ARHGEF18: variants seen among roughly 807,000 people sequenced by gnomAD.
The protein encoded by ARHGEF18 is Rho/Rac guanine nucleotide exchange factor 18, also known as rho guanine nucleotide exchange factor 18.
A neutral mutation model predicts 155.7 loss-of-function variants in ARHGEF18; 93 were observed. That is an observed-to-expected ratio of 0.60 (90% CI 0.50 to 0.71). The LOEUF is 0.71. Ranked by LOEUF, ARHGEF18 falls within the 30% of genes least tolerant of loss-of-function variation. The pLI, the probability that ARHGEF18 is intolerant of heterozygous loss-of-function variation, is 0.00. For missense variants in ARHGEF18, 1,593 were observed against 1,816.1 expected (o/e 0.88, Z 2.23); for synonymous variants, 742 against 753.1 (o/e 0.99, Z 0.24).
At chr19:7,360,124 T>C (rs1177562023) in intron 1 of ARHGEF18, among the ~76,000 whole-genome samples, 2 of 152,086 alleles carry the variant, frequency 1.3e-5, no homozygotes, top group East Asian at 3.9e-4. Flanking sequence ...CACTCCAGCC[T>C]GGGTGACAGA....
intron 18 of ARHGEF18, 123 bp downstream of exon 18, chr19:7,456,526 G>A (rs1975840466): frequency 2.3e-6 from 2 of 864,344 alleles, no homozygotes. Flanking sequence ...AGTCCAGCCT[G>A]GCCAACATGG....
intron 10 of ARHGEF18, among the ~76,000 whole-genome samples, chr19:7,412,319 C>G (rs1277271772): frequency 9.5e-6 from 1 of 105,096 alleles, no homozygotes; most frequent in Non-Finnish European, 2.2e-5. Flanking sequence ...CCGGCCTATG[C>G]TAGGGTTTTT....
intron 15 of ARHGEF18, among the ~76,000 whole-genome samples, chr19:7,448,540 A>G (rs1600480507): frequency 6.6e-6 from 1 of 152,068 alleles, no homozygotes; most frequent in African/African-American, 2.4e-5. Flanking sequence ...GGGCGCCTGT[A>G]GTCCCAGCTA....
chr19:7,449,788 C>T (rs1043043635), intron 15 of ARHGEF18, among the ~76,000 whole-genome samples: 9 of 152,128 alleles, frequency 5.9e-5, no homozygotes, highest in African/African-American at 1.9e-4. Flanking sequence ...GCAAAACCTC[C>T]TGTCTCTGCT....
At chr19:7,479,063 C>A in the ARHGEF18 span, among the ~76,000 whole-genome samples, 4 of 152,230 alleles carry the variant, frequency 2.6e-5, no homozygotes, top group African/African-American at 9.7e-5. Flanking sequence ...AGGGCCTGGT[C>A]ACAACTCCTC....
rs2145926220 is a variant in ARHGEF18, at chr19:7,470,509, T to G, written c.*211T>G. 4.7e-6 allele frequency: 2 copies of G among 424,414 alleles called. No individual in the cohort carries two copies. The highest frequency in any genetic ancestry group is 7.1e-5 in the East Asian group (2 of 28,088). The allele number at this position is 424,414 out of a possible 1,614,324, so 26.3% of individuals were successfully genotyped here. A position where few individuals can be genotyped will look rare whatever the true frequency, so the allele number is the denominator to read the frequency against. On this transcript the variant is annotated 3_prime_UTR_variant, in exon 29 of 29. Coordinates refer to ENST00000668164, the MANE Select transcript of ARHGEF18 (RefSeq NM_001367823.1). The surrounding 1 kb of genome is among the most constrained non-coding windows in gnomAD (Gnocchi z 5.9). ...TAGCGGTGGTGCCGGGGTCACTTTCTGAATCTCTTTTTTTTTTTTTCAAAA... is the reference window on the plus strand; with the variant it reads ...TAGCGGTGGTGCCGGGGTCACTTTCGGAATCTCTTTTTTTTTTTTTCAAAA...
At position 7,467,605 on chromosome 19, in the gene ARHGEF18, G is replaced by A. The variant is rs1252268167; in HGVS notation, c.3401G>A (p.Arg1134Gln). 8.6e-6 allele frequency: 13 copies of A among 1,509,678 alleles called. No individual in the cohort carries two copies. Among genetic ancestry groups the A allele is most frequent in the African/African-American group, 4.3e-5 (3 of 70,326 alleles). The allele number at this position is 1,509,678 out of a possible 1,614,324, so 93.5% of individuals were successfully genotyped here. A position where few individuals can be genotyped will look rare whatever the true frequency, so the allele number is the denominator to read the frequency against. The change falls in exon 26 of 29, where the codon CGG (arginine) becomes CAG (glutamine). Residue 1134 changes from arginine (R) to glutamine (Q), a missense_variant. Arg to Gln is a conservative substitution (Grantham distance 43). Coordinates refer to ENST00000668164, the MANE Select transcript of ARHGEF18 (RefSeq NM_001367823.1). Reference protein sequence around the residue: ...REAQRAVERERERLELLRRLK... With the variant: ...REAQRAVEREQERLELLRRLK... ...GCCCAGCGTGCCGTGGAGCGCGAGC[G>A]GGAGCGCCTGGAGCTGCTGCGCCGC...
chr19:7,440,623 A>G lies in ARHGEF18; in HGVS notation c.1106+141A>G. The G allele has an allele frequency of 4.2e-6, 5 of 1,180,658 alleles. No individual in the cohort carries two copies. Among genetic ancestry groups the G allele is most frequent in the South Asian group, 1.6e-5 (1 of 62,448 alleles). The allele number at this position is 1,180,658 out of a possible 1,614,324, so 73.1% of individuals were successfully genotyped here. On this transcript the variant is annotated intron_variant, in intron 11 of 28. Coordinates refer to ENST00000668164, the MANE Select transcript of ARHGEF18 (RefSeq NM_001367823.1). This position sits in a 1 kb window ranked among gnomAD's most constrained non-coding sequence, Gnocchi z 5.4. ...CCCCGTGCTAAGCAGAGAAATTCCC[A>G]TTAACGCTTGCTTCCAGGATCCACG...
intron 23 of ARHGEF18, among the ~76,000 whole-genome samples, chr19:7,465,408 CTTT>C (rs397859513): frequency 3.0e-5 from 4 of 133,944 alleles, no homozygotes; most frequent in Non-Finnish European, 1.6e-5. Context: ...GGGAGGATCA[CTTT>C]TTTTTTTTTT....
In ARHGEF18 at chr19:7,352,177, TC is replaced by T. The variant is rs1306439836; in HGVS notation, c.-111+2938del. Among the ~76,000 whole-genome samples, 64 of 152,092 alleles carry T rather than the reference TC, an allele frequency of 4.2e-4. 1 individual carries two copies. On this transcript the variant is annotated intron_variant, in intron 1 of 28. Coordinates refer to ENST00000668164, the MANE Select transcript of ARHGEF18 (RefSeq NM_001367823.1). Reference sequence around the variant, plus strand: ...GTGTCTCTTTATGGTGTCATTTTCCTCCATAGAGCGTTTATTTTTGCTTTGG... The same window carrying T: ...GTGTCTCTTTATGGTGTCATTTTCCTCATAGAGCGTTTATTTTTGCTTTGG...
Position 7,369,567 on chromosome 19 carries a change from G to A in ARHGEF18, c.16-3245G>A, listed in dbSNP as rs550538983. ...TAATCCCAGCCCTTTGGGAGGCTGA[G>A]GCAGGTGAATCATGAGGTCAGGAGT... On this transcript the variant is annotated intron_variant, in intron 2 of 28. Coordinates refer to ENST00000668164, the MANE Select transcript of ARHGEF18 (RefSeq NM_001367823.1). Among the ~76,000 whole-genome samples the A allele has an allele frequency of 1.8e-4, 27 of 152,072 alleles. No homozygotes were observed. The East Asian group carries it at 5.1e-3, about 29-fold the overall frequency.
In ARHGEF18 at chr19:7,372,477, A is replaced by G. The variant is rs202190272; in HGVS notation, c.16-335A>G. Among the ~76,000 whole-genome samples the G allele has an allele frequency of 9.2e-5, 5 of 54,486 alleles. No homozygotes were observed. The African/African-American group carries it at 9.8e-4, about 11-fold the overall frequency. 35.7% of individuals were successfully genotyped at this position (54,486 alleles called of 152,430 possible). A position where few individuals can be genotyped will look rare whatever the true frequency, so the allele number is the denominator to read the frequency against. ...CAGGAGCAGAAACTGTACCAAAAAGAAAAAAAAAAAGAGAGAGAGATAATC... is the reference window on the plus strand; with the variant it reads ...CAGGAGCAGAAACTGTACCAAAAAGGAAAAAAAAAAGAGAGAGAGATAATC... On this transcript the variant is annotated intron_variant, in intron 2 of 28. Coordinates refer to ENST00000668164, the MANE Select transcript of ARHGEF18 (RefSeq NM_001367823.1).
chr19:7,398,340 A>AGATTACATG (rs1359557138), intron 10 of ARHGEF18, among the ~76,000 whole-genome samples: 8 of 151,790 alleles, frequency 5.3e-5, no homozygotes, highest in African/African-American at 1.9e-4. Context: ...AAGAGAGCTG[A>AGATTACATG]GATTACATGC....
chr19:7,407,548 C>T lies in ARHGEF18; in HGVS notation c.967+24345C>T, dbSNP rs563109976. On this transcript the variant is annotated intron_variant, in intron 10 of 28. Coordinates refer to ENST00000668164, the MANE Select transcript of ARHGEF18 (RefSeq NM_001367823.1). Reference sequence around the variant, plus strand: ...TTTGCACAGCGAATCCACTTTGCCACTCCTTTTATTCCGGTTCCTTCTGCA... The same window carrying T: ...TTTGCACAGCGAATCCACTTTGCCATTCCTTTTATTCCGGTTCCTTCTGCA... 2.0e-5 allele frequency among the ~76,000 whole-genome samples: 3 copies of T among 152,212 alleles called. No individual in the cohort carries two copies. In the South Asian group the frequency reaches 6.2e-4, roughly 32 times the overall value.
intron 14 of ARHGEF18, among the ~76,000 whole-genome samples, chr19:7,445,471 T>C (rs1435806379): frequency 6.6e-6 from 1 of 152,010 alleles, no homozygotes; most frequent in Non-Finnish European, 1.5e-5. Flanking sequence ...AGCATACCTG[T>C]GAACCAGCAC....
At chr19:7,374,388 C>T (rs1031212697) in intron 3 of ARHGEF18, among the ~76,000 whole-genome samples, 1 of 151,974 alleles carries the variant, frequency 6.6e-6, no homozygotes, top group Non-Finnish European at 1.5e-5. Context: ...CTGAAAACTG[C>T]ATGTGAGGCC....
Position 7,362,241 on chromosome 19 carries a change from AGAAGAG to A in ARHGEF18, c.-110-528_-110-523del, listed in dbSNP as rs571660338. On this transcript the variant is annotated intron_variant, in intron 1 of 28. Coordinates refer to ENST00000668164, the MANE Select transcript of ARHGEF18 (RefSeq NM_001367823.1). ...GAGGAAGAAGAGGAAGAAGAAGACA[AGAAGAG>A]GAAGAGGAAGAAGAAAGGAAGAAGG... Among the ~76,000 whole-genome samples, 10 of 150,960 alleles carry A rather than the reference AGAAGAG, an allele frequency of 6.6e-5. 2 individuals are homozygous for A. In the East Asian group the frequency reaches 8.0e-4, roughly 12 times the overall value.
At chr19:7,397,498 C>CG (rs374998227) in intron 10 of ARHGEF18, among the ~76,000 whole-genome samples, 4,033 of 149,232 alleles carry the variant, frequency 0.027, 109 homozygotes, top group African/African-American at 0.073. Context: ...TTGGGAGGCC[C>CG]GGGGGGGGGC....
Position 7,468,900 on chromosome 19 carries a change from G to A in ARHGEF18, c.3556G>A (p.Gly1186Ser), listed in dbSNP as rs180746700. Residue 1186 changes from glycine to serine, a missense_variant, in exon 27 of 29, where the codon GGC (glycine) becomes AGC (serine). Transcript: ENST00000668164. ...CCCTCGTGTGAGCATGCTGCCATCC[G>A]GCGTGGGGCCAGAGTACGCAGAGCG... Reference protein sequence around the residue: ...EGPRVSMLPSGVGPEYAERPE... With the variant: ...EGPRVSMLPSSVGPEYAERPE... The A allele has an allele frequency of 3.0e-3, 4,748 of 1,575,042 alleles. 12 individuals carry two copies. Among genetic ancestry groups the A allele is most frequent in the Non-Finnish European group, 3.7e-3 (4,314 of 1,160,598 alleles).
Sources: gnomAD v4.1 joint callset for allele counts (sites outside exome capture counted in the v4.1 genomes callset) on GRCh38, gnomAD v4.1.1 for gene constraint, Gnocchi (gnomAD v3.1) non-coding constraint, MANE v1.5 for transcripts, NCBI Gene and HGNC (gene_info 2026-07-23, HGNC 2026-07-21) for gene names.